The following TBCK variants were observed in gnomAD, a reference collection of about 807,000 sequenced individuals.
The protein encoded by TBCK is TBC1 domain containing kinase.
TBCK carries 99 observed loss-of-function variants against 113.4 expected under a neutral mutation model. The ratio of observed to expected loss-of-function variants is 0.87; its 90% CI spans 0.74 to 1.03. The LOEUF (loss-of-function observed/expected upper bound fraction) is 1.03. Ranked by LOEUF, TBCK falls within the 50% of genes least tolerant of loss-of-function variation. The probability of loss-of-function intolerance (pLI) is 0.00; values close to 1 mark genes in which losing one functional copy is unlikely to be tolerated. For missense variants in TBCK, 1,045 were observed against 1,061.3 expected (o/e 0.98, Z 0.21); for synonymous variants, 369 against 370.8 (o/e 1.00, Z 0.05).
intron 2 of TBCK, among the ~76,000 whole-genome samples, chr4:106,305,519 T>G (rs963131714): frequency 6.6e-6 from 1 of 151,904 alleles, no homozygotes; most frequent in Non-Finnish European, 1.5e-5. Flanking sequence ...ATATATATAT[T>G]TTTTATTATT....
intron 2 of TBCK, among the ~76,000 whole-genome samples, chr4:106,308,119 C>T (rs541672537): frequency 1.3e-5 from 2 of 152,182 alleles, no homozygotes; most frequent in East Asian, 1.9e-4. Flanking sequence ...TAAGAATAGA[C>T]GGTTTCCCTG....
At chr4:106,236,912 G>C (rs1288121132) in intron 12 of TBCK, 104 bp from the exon 13 acceptor site, 2 of 550,574 alleles carry the variant, frequency 3.6e-6, no homozygotes, top group South Asian at 1.3e-4. Flanking sequence ...TTTATAAAGG[G>C]ACCTAGAAAA....
At position 106,212,023 on chromosome 4, in the gene TBCK, C is replaced by T. The variant is rs935007182; in HGVS notation, c.1860+727G>A. On this transcript the variant is annotated intron_variant, in intron 20 of 25. Coordinates refer to ENST00000394708, the MANE Select transcript of TBCK (RefSeq NM_001163435.3). The stretch of plus-strand genomic sequence containing the variant: ...AACTTTTGAATGAATAATACATTCA[C>T]AGTGTTAAAAAAAATTTTTTAATGT... Among the ~76,000 whole-genome samples, 3 of 152,010 alleles carry T rather than the reference C, an allele frequency of 2.0e-5. No homozygotes were observed. In the East Asian group the frequency reaches 5.8e-4, roughly 29 times the overall value.
chr4:106,099,030 T>G (rs1334122402), intron 24 of TBCK, among the ~76,000 whole-genome samples: 1 of 152,112 alleles, frequency 6.6e-6, no homozygotes, highest in Non-Finnish European at 1.5e-5. Context: ...TATATTATCT[T>G]CTAGGTTTCT....
At chr4:106,275,763 C>T (rs532492533) in intron 3 of TBCK, among the ~76,000 whole-genome samples, 1 of 152,106 alleles carries the variant, frequency 6.6e-6, no homozygotes, top group Non-Finnish European at 1.5e-5. Flanking sequence ...TTGAGAGATA[C>T]TAAGGAAGAC....
At chr4:106,148,925 C>T (rs1208460446) in intron 23 of TBCK, among the ~76,000 whole-genome samples, 1 of 152,210 alleles carries the variant, frequency 6.6e-6, no homozygotes, top group Non-Finnish European at 1.5e-5. Context: ...AAGGCTGCTT[C>T]GTCTACATTG....
chr4:106,215,879 A>C (rs1022040171), intron 19 of TBCK, among the ~76,000 whole-genome samples: 4 of 151,842 alleles, frequency 2.6e-5, no homozygotes, highest in African/African-American at 9.7e-5. Flanking sequence ...ATAGACATCT[A>C]CAGAACTCTC....
rs144217938 is a variant in TBCK at position 106,125,664 on chromosome 4, T to C, written c.2236-9286A>G. Reference sequence around the variant, plus strand: ...GTGGAAACTAAATAAGTTGATCTCATGGAAGTAGAGAGTAGAACAGTAGTT... The same window carrying C: ...GTGGAAACTAAATAAGTTGATCTCACGGAAGTAGAGAGTAGAACAGTAGTT... On this transcript the variant is annotated intron_variant, in intron 23 of 25. Coordinates refer to ENST00000394708, the MANE Select transcript of TBCK (RefSeq NM_001163435.3). Among the ~76,000 whole-genome samples the C allele has an allele frequency of 5.3e-5, 8 of 152,124 alleles. No homozygotes were observed. In the East Asian group the frequency reaches 1.6e-3, roughly 29 times the overall value.
At chr4:106,180,467 T>C (rs1262059630) in intron 22 of TBCK, among the ~76,000 whole-genome samples, 15 of 152,088 alleles carry the variant, frequency 9.9e-5, no homozygotes, top group African/African-American at 3.6e-4. Context: ...ACATGTGCCA[T>C]GGTGGTCTGC....
At chr4:106,125,941 TAA>T (rs1745157465) in intron 23 of TBCK, among the ~76,000 whole-genome samples, 1 of 152,206 alleles carries the variant, frequency 6.6e-6, no homozygotes. Flanking sequence ...ACTTATGGAG[TAA>T]ATCTATATAA....
At position 106,277,137 on chromosome 4, in the gene TBCK, C is replaced by T. The variant is rs116111228; in HGVS notation, c.267-14925G>A. On this transcript the variant is annotated intron_variant, in intron 3 of 25. Transcript: ENST00000394708. ...ATGGGAATGCAAAGTAAATCTATAACGAAATACTACTTTATACCTTGTACA... is the reference window on the plus strand; with the variant it reads ...ATGGGAATGCAAAGTAAATCTATAATGAAATACTACTTTATACCTTGTACA... 5.7e-3 allele frequency among the ~76,000 whole-genome samples: 868 copies of T among 152,064 alleles called. 10 individuals carry two copies. Among genetic ancestry groups the T allele is most frequent in the African/African-American group, 0.02 (836 of 41,502 alleles).
intron 23 of TBCK, among the ~76,000 whole-genome samples, chr4:106,167,201 T>C (rs1419735503): frequency 6.8e-5 from 10 of 146,722 alleles, no homozygotes; most frequent in African/African-American, 2.5e-4. Context: ...TATAGAACTG[T>C]ATATATATAT....
At chr4:106,195,833 G>A (rs1389935303) in intron 20 of TBCK, among the ~76,000 whole-genome samples, 1 of 151,804 alleles carries the variant, frequency 6.6e-6, no homozygotes, top group East Asian at 1.9e-4. Flanking sequence ...AGCATATTGT[G>A]GGATATCTCA....
intron 19 of TBCK, among the ~76,000 whole-genome samples, chr4:106,218,553 G>A (rs1757269458): frequency 2.4e-5 from 2 of 84,710 alleles, no homozygotes; most frequent in African/African-American, 9.3e-5. Flanking sequence ...TCAAAAAGTG[G>A]GCAAAGGACA....
intron 23 of TBCK, among the ~76,000 whole-genome samples, chr4:106,152,191 C>T (rs1402319636): frequency 6.6e-6 from 1 of 151,830 alleles, no homozygotes; most frequent in East Asian, 1.9e-4. Context: ...TCAGTTTTTC[C>T]CCATTCAACA....
At chr4:106,114,892 C>T (rs1200816001) in intron 24 of TBCK, among the ~76,000 whole-genome samples, 1 of 152,102 alleles carries the variant, frequency 6.6e-6, no homozygotes, top group African/African-American at 2.4e-5. Flanking sequence ...AATTTAATGC[C>T]TCATTCGGGA....
In TBCK at chr4:106,194,738, C is replaced by G. The variant is rs778049682; in HGVS notation, c.1877G>C (p.Trp626Ser). 6.3e-7 allele frequency: 1 copy of G among 1,584,624 alleles called. No individual in the cohort carries two copies. The highest frequency in any genetic ancestry group is 1.9e-5 in the Admixed American group (1 of 52,794). ...GFIPDLYAIP[W>S]FLTMFTHVFP... ...CTTACGAGTAAACATGGTAAGAAACCAAGGGATGGCATAGAGCTATGAGTG... is the reference window on the plus strand; with the variant it reads ...CTTACGAGTAAACATGGTAAGAAACGAAGGGATGGCATAGAGCTATGAGTG... Residue 626 changes from tryptophan to serine, a missense_variant, in exon 21 of 26, where the codon TGG (tryptophan) becomes TCG (serine). By Grantham distance (177) the Trp-to-Ser change is radical. Coordinates refer to ENST00000394708, the MANE Select transcript of TBCK (RefSeq NM_001163435.3).
chr4:106,241,251 AG>A (rs1760095618), intron 12 of TBCK, among the ~76,000 whole-genome samples: 1 of 151,978 alleles, frequency 6.6e-6, no homozygotes, highest in African/African-American at 2.4e-5. Flanking sequence ...ATATAAAATA[AG>A]ACAAATAAAT....
At chr4:106,182,307 T>C (rs1264373334) in intron 22 of TBCK, 4 of 152,172 alleles carry the variant, frequency 2.6e-5, no homozygotes. Context: ...AATCATGTCA[T>C]CTGCAAACAG....
Sources: gnomAD v4.1 joint callset for allele counts (sites outside exome capture counted in the v4.1 genomes callset) on GRCh38, gnomAD v4.1.1 for gene constraint, MANE v1.5 for transcripts, NCBI Gene and HGNC (gene_info 2026-07-23, HGNC 2026-07-21) for gene names.